The following KCNU1 variants were observed in gnomAD, a reference collection of about 807,000 sequenced individuals.
KCNU1 encodes the protein potassium channel subfamily U member 1.
A neutral mutation model predicts 126.8 loss-of-function variants in KCNU1; 93 were observed. The ratio of observed to expected loss-of-function variants is 0.73; its 90% CI spans 0.62 to 0.87. The LOEUF is 0.87. Among genes scored for constraint, KCNU1 ranks in the 40% least tolerant of loss-of-function variants. The pLI is 0.00. For synonymous variants in KCNU1, 523 were observed against 494.2 expected (o/e 1.06, Z -0.77); for missense variants, 1,330 against 1,367.1 (o/e 0.97, Z 0.43).
intron 2 of KCNU1, among the ~76,000 whole-genome samples, chr8:36,790,737 T>C (rs550739816): frequency 6.2e-4 from 94 of 152,206 alleles, no homozygotes; most frequent in African/African-American, 2.2e-3. Context: ...GAGACTTGGA[T>C]GATTTCAAGG....
At chr8:36,789,641 A>G (rs915979300) in intron 2 of KCNU1, among the ~76,000 whole-genome samples, 1 of 152,208 alleles carries the variant, frequency 6.6e-6, no homozygotes, top group Non-Finnish European at 1.5e-5. Context: ...TACATAAATA[A>G]GATAAATTCA....
intron 10 of KCNU1, among the ~76,000 whole-genome samples, chr8:36,822,840 C>A (rs77161417): frequency 3.5e-4 from 54 of 152,148 alleles, no homozygotes; most frequent in East Asian, 2.3e-3. Flanking sequence ...TATGAGTGGG[C>A]GCATAAAGGT....
chr8:36,889,621 T>C (rs2117439686), intron 19 of KCNU1, among the ~76,000 whole-genome samples: 1 of 151,708 alleles, frequency 6.6e-6, no homozygotes, highest in Non-Finnish European at 1.5e-5. Flanking sequence ...AAGAACAATA[T>C]CAAAAGAAAG....
At chr8:36,931,705 A>G (rs1431966484) in intron 25 of KCNU1, among the ~76,000 whole-genome samples, 2 of 152,018 alleles carry the variant, frequency 1.3e-5, no homozygotes, top group Non-Finnish European at 2.9e-5. Context: ...TACTCTCCCT[A>G]TACTTAAAAT....
chr8:36,833,668 T>A lies in KCNU1; in HGVS notation c.1212+9T>A, dbSNP rs1804643270. ...ATCTGAGGCGAGTTGCGGTAAGATC[T>A]AGCTGTTTTTGTTCCTTGTAGTTTT... is the stretch of plus-strand genomic sequence containing the variant. On this transcript the variant is annotated intron_variant, in intron 11 of 26. Coordinates refer to ENST00000399881, the MANE Select transcript of KCNU1 (RefSeq NM_001031836.3). 2.6e-6 allele frequency: 4 copies of A among 1,552,200 alleles called. No homozygotes were observed. The East Asian group carries it at 9.0e-5, about 35-fold the overall frequency.
chr8:36,877,154 A>G (rs140411159), intron 19 of KCNU1, among the ~76,000 whole-genome samples: 2 of 152,318 alleles, frequency 1.3e-5, no homozygotes, highest in African/African-American at 4.8e-5. Flanking sequence ...CAGGGGCTGC[A>G]GATTCCTCAC....
At chr8:36,909,164 T>C (rs958465720) in intron 20 of KCNU1, 147 bp from the exon 21 acceptor site, 11 of 630,870 alleles carry the variant, frequency 1.7e-5, no homozygotes, top group Non-Finnish European at 2.9e-5. Context: ...TTCTGTTTTT[T>C]ATAAACAATT....
At chr8:36,787,038 G>C (rs571659974) in intron 1 of KCNU1, among the ~76,000 whole-genome samples, 44 of 152,246 alleles carry the variant, frequency 2.9e-4, no homozygotes, top group Admixed American at 2.6e-3. Flanking sequence ...CAGTTTGAAG[G>C]GTCTGGGACC....
rs559544273 is a variant in KCNU1 at position 36,867,793 on chromosome 8, G to A, written c.2009+3272G>A. Among the ~76,000 whole-genome samples, 12 of 152,104 alleles carry A rather than the reference G, an allele frequency of 7.9e-5. 1 individual carries two copies. Among genetic ancestry groups the A allele is most frequent in the South Asian group, 2.1e-4 (1 of 4,814 alleles). On this transcript the variant is annotated intron_variant, in intron 19 of 26. Transcript: ENST00000399881. ...ATTTTTCCCATTGGTTTTAATTCTC[G>A]TCTGTAATAAACAAGAAAATGGTTT...
rs1807541172 is a variant in KCNU1, at chr8:36,904,405, T to C, written c.2010-1303T>C. ...CTAGTCACATGGCCCCACCTACCTA[T>C]CCCTACACTCAGGAAGGAAAGCAGA... On this transcript the variant is annotated intron_variant, in intron 19 of 26. Transcript: ENST00000399881. Among the ~76,000 whole-genome samples, 5 of 151,930 alleles carry C rather than the reference T, an allele frequency of 3.3e-5. No homozygotes were observed. In the South Asian group the frequency reaches 8.3e-4, roughly 25 times the overall value.
At chr8:36,928,997 C>T (rs1190918241) in intron 24 of KCNU1, 1 of 698,936 alleles carries the variant, frequency 1.4e-6, no homozygotes, top group Non-Finnish European at 2.6e-6. Flanking sequence ...CAGAATTTAG[C>T]AATGTGTGCA....
At chr8:36,892,225 C>T (rs1485536239) in intron 19 of KCNU1, among the ~76,000 whole-genome samples, 1 of 152,076 alleles carries the variant, frequency 6.6e-6, no homozygotes, top group Non-Finnish European at 1.5e-5. Flanking sequence ...CCTTCTTCTG[C>T]CAACTCAGAT....
intron 10 of KCNU1, among the ~76,000 whole-genome samples, chr8:36,819,580 C>T (rs1291990299): frequency 1.3e-5 from 2 of 152,090 alleles, no homozygotes; most frequent in East Asian, 3.9e-4. Context: ...AAATTTCTCT[C>T]AAGGCCACTT....
At chr8:36,853,102 C>T (rs2117296384) in intron 18 of KCNU1, among the ~76,000 whole-genome samples, 1 of 152,238 alleles carries the variant, frequency 6.6e-6, no homozygotes, top group East Asian at 1.9e-4. Flanking sequence ...GTAATGCCAG[C>T]ATTATGGGAG....
At chr8:36,930,401 A>G (rs559580426) in intron 24 of KCNU1, among the ~76,000 whole-genome samples, 7 of 152,258 alleles carry the variant, frequency 4.6e-5, no homozygotes, top group African/African-American at 1.7e-4. Flanking sequence ...TATAATTTCT[A>G]AAGTATAATG....
chr8:36,864,289 G>A, intron 18 of KCNU1, 115 bp from the exon 19 acceptor site: 1 of 702,352 alleles, frequency 1.4e-6, no homozygotes, highest in South Asian at 1.6e-5. Context: ...CTGTAGCTGA[G>A]ACTCCCCAGC....
chr8:36,863,477 G>C (rs1351411999), intron 18 of KCNU1, among the ~76,000 whole-genome samples: 1 of 152,146 alleles, frequency 6.6e-6, no homozygotes, highest in Non-Finnish European at 1.5e-5. Flanking sequence ...CTCCATCTCT[G>C]ATCACCAAGC....
chr8:36,917,507 C>T (rs992485961), intron 22 of KCNU1, among the ~76,000 whole-genome samples: 26 of 136,900 alleles, frequency 1.9e-4, no homozygotes, highest in African/African-American at 7.1e-4. Flanking sequence ...TGCACTGCTA[C>T]ACCCAGCTAA....
intron 2 of KCNU1, among the ~76,000 whole-genome samples, chr8:36,801,098 C>T (rs1803286473): frequency 6.6e-6 from 1 of 152,144 alleles, no homozygotes. Context: ...GCCTTGATGT[C>T]AACAAGGGTT....
Sources: allele counts gnomAD v4.1 joint callset (sites outside exome capture counted in the v4.1 genomes callset), GRCh38; gene constraint gnomAD v4.1.1; transcripts MANE v1.5; gene names NCBI Gene and HGNC (gene_info 2026-07-23, HGNC 2026-07-21).